C1orf21: variants seen among roughly 807,000 people sequenced by gnomAD.
The protein encoded by C1orf21 is chromosome 1 open reading frame 21.
A neutral mutation model predicts 18.7 loss-of-function variants in C1orf21; 3 were observed. That is an observed-to-expected ratio of 0.16 (90% CI 0.07 to 0.42). The LOEUF is 0.42. C1orf21 is among the 10% of genes least tolerant of loss of function. C1orf21 has a pLI of 0.99. For synonymous variants in C1orf21, 41 were observed against 46.4 expected (o/e 0.88, Z 0.47); for missense variants, 104 against 143.6 (o/e 0.72, Z 1.41).
At chr1:184,525,081 T>C (rs1658359160) in intron 3 of C1orf21, among the ~76,000 whole-genome samples, 1 of 152,026 alleles carries the variant, frequency 6.6e-6, no homozygotes, top group South Asian at 2.1e-4. Flanking sequence ...TATGGTGATA[T>C]TTTGCATTGT....
At chr1:184,429,199 C>T (rs1656692859) in intron 1 of C1orf21, among the ~76,000 whole-genome samples, 1 of 152,146 alleles carries the variant, frequency 6.6e-6, no homozygotes, top group Non-Finnish European at 1.5e-5. Flanking sequence ...TATAGCACCA[C>T]TTGTAGAAAT....
intron 5 of C1orf21, among the ~76,000 whole-genome samples, chr1:184,604,250 C>T (rs1211545945): frequency 6.6e-6 from 1 of 152,140 alleles, no homozygotes; most frequent in Non-Finnish European, 1.5e-5. Context: ...TTAGTGCCCA[C>T]CAATGATAAG....
rs752889635 is a variant in C1orf21 at position 184,477,396 on chromosome 1, C to T, written c.-114C>T. On this transcript the variant is annotated 5_prime_UTR_variant, in exon 2 of 6. Transcript: ENST00000235307. ...TTTCTTTTCTTGCAGGTGCACACAT[C>T]TTGACCAACTCAGCAGCAAGGTGGA... 1.3e-5 allele frequency: 10 copies of T among 793,938 alleles called. No individual in the cohort carries two copies. The highest frequency in any genetic ancestry group is 2.0e-5 in the Non-Finnish European group (10 of 495,558). 49.2% of individuals were successfully genotyped at this position (793,938 alleles called of 1,614,324 possible).
At chr1:184,485,196 C>A (rs1388013956) in intron 2 of C1orf21, among the ~76,000 whole-genome samples, 1 of 151,940 alleles carries the variant, frequency 6.6e-6, no homozygotes, top group Non-Finnish European at 1.5e-5. Context: ...GGCTATTGAG[C>A]ATGAGAAACG....
In C1orf21 at chr1:184,623,082, C is replaced by T. The variant is rs964499469; in HGVS notation, c.*3526C>T. The T allele has an allele frequency of 6.6e-6, 1 of 152,216 alleles. No individual in the cohort carries two copies. The highest frequency in any genetic ancestry group is 1.5e-5 in the Non-Finnish European group (1 of 68,044). 9.4% of individuals were successfully genotyped at this position (152,216 alleles called of 1,614,324 possible). A position where few individuals can be genotyped will look rare whatever the true frequency, so the allele number is the denominator to read the frequency against. On this transcript the variant is annotated 3_prime_UTR_variant, in exon 6 of 6. Transcript: ENST00000235307. The stretch of plus-strand genomic sequence containing the variant: ...GCCTGCTAAAAAACAGAGATGATAC[C>T]TCTTACAAACTTTACCTCATAGCCT...
chr1:184,570,811 C>G (rs904396322), intron 3 of C1orf21, among the ~76,000 whole-genome samples: 4 of 152,102 alleles, frequency 2.6e-5, no homozygotes, highest in East Asian at 3.9e-4. Flanking sequence ...GAAATGCATC[C>G]TTAGGTGATT....
intron 2 of C1orf21, among the ~76,000 whole-genome samples, chr1:184,505,978 C>A (rs1310842964): frequency 6.6e-6 from 1 of 151,716 alleles, no homozygotes; most frequent in Non-Finnish European, 1.5e-5. Context: ...AGTAAATAAT[C>A]CTTCATCAAA....
intron 1 of C1orf21, among the ~76,000 whole-genome samples, chr1:184,389,526 C>A (rs1342945620): frequency 6.6e-6 from 1 of 152,206 alleles, no homozygotes; most frequent in African/African-American, 2.4e-5. Context: ...AGGCCACTGT[C>A]TGAAGGGGTT....
chr1:184,533,851 T>C (rs148880286), intron 3 of C1orf21, among the ~76,000 whole-genome samples: 108 of 152,276 alleles, frequency 7.1e-4, no homozygotes, highest in African/African-American at 2.6e-3. Flanking sequence ...CTTCAACATT[T>C]GGTGTGTACG....
At chr1:184,569,786 G>A (rs1659084006) in intron 3 of C1orf21, among the ~76,000 whole-genome samples, 1 of 152,240 alleles carries the variant, frequency 6.6e-6, no homozygotes, top group Non-Finnish European at 1.5e-5. Context: ...ATTGGGGCCA[G>A]GGATGTCAGA....
At chr1:184,455,364 ATCT>A (rs538592086) in intron 1 of C1orf21, among the ~76,000 whole-genome samples, 175 of 152,274 alleles carry the variant, frequency 1.1e-3, no homozygotes, top group Non-Finnish European at 1.9e-3. Flanking sequence ...ATCACTTGGG[ATCT>A]TCTTAGAATT....
rs113125757 is a variant in C1orf21, at chr1:184,578,017, C to T, written c.190-12722C>T. 8.6e-3 allele frequency among the ~76,000 whole-genome samples: 1,279 copies of T among 148,914 alleles called. 17 individuals carry two copies. Among genetic ancestry groups the T allele is most frequent in the African/African-American group, 0.03 (1,209 of 40,102 alleles). On this transcript the variant is annotated intron_variant, in intron 3 of 5. Transcript: ENST00000235307. Reference sequence around the variant, plus strand: ...CGCCCAGGCTGGAGTGCAGTGGCGCCGCCATCTCAGCTCACTGCAACCTCC... The same window carrying T: ...CGCCCAGGCTGGAGTGCAGTGGCGCTGCCATCTCAGCTCACTGCAACCTCC...
intron 2 of C1orf21, among the ~76,000 whole-genome samples, chr1:184,493,864 T>G (rs1256192488): frequency 1.3e-5 from 2 of 152,240 alleles, no homozygotes; most frequent in African/African-American, 4.8e-5. Context: ...ATGGCCAGCA[T>G]GTTAAAATGA....
chr1:184,583,447 A>G lies in C1orf21; in HGVS notation c.190-7292A>G, dbSNP rs116373421. ...GAGAAATGGATGTTTTTCCCAACTGATGGAGCCCCTAAATATTAATAATAA... is the reference window on the plus strand; with the variant it reads ...GAGAAATGGATGTTTTTCCCAACTGGTGGAGCCCCTAAATATTAATAATAA... On this transcript the variant is annotated intron_variant, in intron 3 of 5. Coordinates refer to ENST00000235307, the MANE Select transcript of C1orf21 (RefSeq NM_030806.4). Among the ~76,000 whole-genome samples the G allele has an allele frequency of 9.6e-3, 1,458 of 152,288 alleles. 29 individuals are homozygous for G. The highest frequency in any genetic ancestry group is 0.033 in the African/African-American group (1,389 of 41,556).
chr1:184,399,762 A>T (rs182692643), intron 1 of C1orf21, among the ~76,000 whole-genome samples: 1,541 of 152,268 alleles, frequency 0.01, 27 homozygotes, highest in African/African-American at 0.036. Context: ...TAGTCTGATC[A>T]CAGGCCCTGT....
intron 3 of C1orf21, among the ~76,000 whole-genome samples, chr1:184,532,009 AATTG>A (rs1182690574): frequency 3.9e-5 from 6 of 151,990 alleles, no homozygotes; most frequent in Admixed American, 6.5e-5. Flanking sequence ...ACATTTGATT[AATTG>A]ATTGAACTTT....
At chr1:184,508,025 A>G (rs957339971) in intron 3 of C1orf21, among the ~76,000 whole-genome samples, 7 of 152,206 alleles carry the variant, frequency 4.6e-5, no homozygotes, top group Admixed American at 3.3e-4. Flanking sequence ...ACTCATATCC[A>G]AATCAGGATG....
At chr1:184,388,610 G>T (rs1017842838) in intron 1 of C1orf21, among the ~76,000 whole-genome samples, 1 of 150,572 alleles carries the variant, frequency 6.6e-6, no homozygotes, top group Admixed American at 6.6e-5. Context: ...ATTCCATGGA[G>T]TATTTTTTTC....
chr1:184,479,962 C>T (rs993034366), intron 2 of C1orf21, among the ~76,000 whole-genome samples: 8 of 152,068 alleles, frequency 5.3e-5, no homozygotes, highest in Non-Finnish European at 1.0e-4. Context: ...TGGTCTGTAT[C>T]CTATGTATAA....
Sources: gnomAD v4.1 joint callset for allele counts (sites outside exome capture counted in the v4.1 genomes callset) on GRCh38, gnomAD v4.1.1 for gene constraint, MANE v1.5 for transcripts, NCBI Gene and HGNC (gene_info 2026-07-23, HGNC 2026-07-21) for gene names.